Variants in OSBPL8 observed in about 807,000 individuals in gnomAD.
OSBPL8 encodes oxysterol binding protein like 8.
A neutral mutation model predicts 125.5 loss-of-function variants in OSBPL8; 59 were observed. That is an observed-to-expected ratio of 0.47 (90% CI 0.38 to 0.58). The LOEUF (loss-of-function observed/expected upper bound fraction) is 0.58. OSBPL8 is among the 20% of genes least tolerant of loss of function. OSBPL8 has a pLI of 0.00. For missense variants in OSBPL8, 758 were observed against 1,047.8 expected (o/e 0.72, Z 3.82); for synonymous variants, 330 against 338.9 (o/e 0.97, Z 0.29).
chr12:76,442,027 G>A (rs559680821), intron 4 of OSBPL8, among the ~76,000 whole-genome samples: 6 of 152,184 alleles, frequency 3.9e-5, no homozygotes, highest in African/African-American at 7.2e-5. Flanking sequence ...TTGCATGCTC[G>A]TATAAAAACA....
chr12:76,512,561 G>A (rs1881109823), intron 1 of OSBPL8, among the ~76,000 whole-genome samples: 1 of 152,080 alleles, frequency 6.6e-6, no homozygotes. Flanking sequence ...TTTTTCTACA[G>A]GTTCCATACT....
At chr12:76,368,982 C>T (rs908842864) in intron 21 of OSBPL8, among the ~76,000 whole-genome samples, 11 of 152,132 alleles carry the variant, frequency 7.2e-5, no homozygotes, top group African/African-American at 2.4e-5. Flanking sequence ...ACTTTCTTGA[C>T]CAGTGTTCAC....
At chr12:76,439,462 G>A (rs1432081113) in intron 4 of OSBPL8, among the ~76,000 whole-genome samples, 1 of 152,042 alleles carries the variant, frequency 6.6e-6, no homozygotes, top group East Asian at 1.9e-4. Context: ...GACCAAGAGA[G>A]ATTGTAAAAC....
chr12:76,514,311 A>ATTT (rs372291232), intron 1 of OSBPL8, among the ~76,000 whole-genome samples: 1 of 144,926 alleles, frequency 6.9e-6, no homozygotes, highest in Non-Finnish European at 1.5e-5. Flanking sequence ...CGCCCAGCTA[A>ATTT]TTTTTTTTTT....
rs114925522 is a variant in OSBPL8 at position 76,451,041 on chromosome 12, T to C, written c.80-53A>G. 3,045 of 1,548,952 alleles carry C rather than the reference T, an allele frequency of 2.0e-3. 66 individuals are homozygous for C. In the African/African-American group the frequency reaches 0.038, roughly 19 times the overall value. On this transcript the variant is annotated intron_variant, in intron 3 of 23. Coordinates refer to ENST00000261183, the MANE Select transcript of OSBPL8 (RefSeq NM_020841.5). ...GTACTGAAGTCACAGATTTACATAA[T>C]AGTATAGTTAATAACATGGAATAAG...
chr12:76,363,780 A>G (rs1384956929), intron 21 of OSBPL8, among the ~76,000 whole-genome samples: 1 of 152,264 alleles, frequency 6.6e-6, no homozygotes, highest in Non-Finnish European at 1.5e-5. Flanking sequence ...GCTAATATCC[A>G]GAATCTACAA....
chr12:76,524,994 T>C (rs1328018083), intron 1 of OSBPL8, among the ~76,000 whole-genome samples: 4 of 152,138 alleles, frequency 2.6e-5, no homozygotes, highest in African/African-American at 9.7e-5. Context: ...ATAATTACAA[T>C]TTTAAATGAC....
intron 4 of OSBPL8, among the ~76,000 whole-genome samples, chr12:76,434,182 G>A (rs530829805): frequency 1.3e-5 from 2 of 152,100 alleles, no homozygotes; most frequent in Admixed American, 6.6e-5. Flanking sequence ...ACAGAATAGA[G>A]AGCCCAGAAA....
At chr12:76,370,227 A>G (rs922509448) in intron 19 of OSBPL8, among the ~76,000 whole-genome samples, 29 of 152,188 alleles carry the variant, frequency 1.9e-4, no homozygotes, top group African/African-American at 6.8e-4. Flanking sequence ...AATGTAATGC[A>G]GTGCTTCTGA....
intron 9 of OSBPL8, among the ~76,000 whole-genome samples, chr12:76,394,410 G>A (rs1156904557): frequency 6.6e-6 from 1 of 152,164 alleles, no homozygotes; most frequent in Non-Finnish European, 1.5e-5. Context: ...CATGGAGGAT[G>A]AAGAAGAAAA....
chr12:76,456,012 A>G (rs1002677952), intron 3 of OSBPL8, among the ~76,000 whole-genome samples: 2 of 152,226 alleles, frequency 1.3e-5, no homozygotes, highest in African/African-American at 2.4e-5. Context: ...AGTAGAAATC[A>G]CACTGAAATA....
chr12:76,469,650 C>A (rs1284069976), intron 2 of OSBPL8, among the ~76,000 whole-genome samples: 2 of 152,168 alleles, frequency 1.3e-5, no homozygotes, highest in African/African-American at 4.8e-5. Flanking sequence ...ACAATACTTC[C>A]ATAATATTCC....
intron 12 of OSBPL8, among the ~76,000 whole-genome samples, chr12:76,387,975 T>C (rs956576899): frequency 6.6e-6 from 1 of 152,204 alleles, no homozygotes; most frequent in African/African-American, 2.4e-5. Flanking sequence ...AAGTTTTCTT[T>C]AGGCATAAAC....
chr12:76,441,027 G>C (rs1365029786), intron 4 of OSBPL8, among the ~76,000 whole-genome samples: 1 of 152,080 alleles, frequency 6.6e-6, no homozygotes, highest in African/African-American at 2.4e-5. Context: ...CTACGTTACT[G>C]GAACTGAAAG....
In OSBPL8 at chr12:76,463,661, C is replaced by T. The variant is rs182961018; in HGVS notation, c.43-3766G>A. On this transcript the variant is annotated intron_variant, in intron 2 of 23. Transcript: ENST00000261183. ...AACTAAGAATCACACTCAAGCACTG[C>T]AAATGCAAAGCTGAAACACAATGAA... 2.0e-5 allele frequency among the ~76,000 whole-genome samples: 3 copies of T among 152,234 alleles called. No homozygotes were observed. In the East Asian group the frequency reaches 5.8e-4, roughly 29 times the overall value.
chr12:76,476,770 A>G (rs573688437), intron 2 of OSBPL8, among the ~76,000 whole-genome samples: 50 of 152,176 alleles, frequency 3.3e-4, no homozygotes, highest in Non-Finnish European at 5.7e-4. Context: ...CCTTTCTAGA[A>G]AAGACTTCCC....
chr12:76,499,350 C>CTATCTATCATCTATCTATCT (rs71082312), intron 1 of OSBPL8, among the ~76,000 whole-genome samples: 1 of 107,480 alleles, frequency 9.3e-6, no homozygotes, highest in Non-Finnish European at 1.9e-5. Flanking sequence ...ATCTATCTAT[C>CTATCTATCATCTATCTATCT]ATCTATCTAT....
At chr12:76,487,081 G>A (rs1301882603) in intron 2 of OSBPL8, among the ~76,000 whole-genome samples, 1 of 143,738 alleles carries the variant, frequency 7.0e-6, no homozygotes, top group Non-Finnish European at 1.5e-5. Flanking sequence ...CCAGGCTGGA[G>A]TGCAGAGGCG....
chr12:76,483,577 T>C (rs1877782905), intron 2 of OSBPL8, among the ~76,000 whole-genome samples: 1 of 151,104 alleles, frequency 6.6e-6, no homozygotes, highest in Admixed American at 6.6e-5. Flanking sequence ...AAAAAAAAAT[T>C]TGTATTATGT....
Sources: gnomAD v4.1 joint callset for allele counts (sites outside exome capture counted in the v4.1 genomes callset) on GRCh38, gnomAD v4.1.1 for gene constraint, MANE v1.5 for transcripts, NCBI Gene and HGNC (gene_info 2026-07-23, HGNC 2026-07-21) for gene names.